Variants in SMIM36 observed in about 807,000 individuals in gnomAD.
SMIM36 encodes small integral membrane protein 36.
chr17:55,502,112 G>C (rs1047385070), intron 1 of SMIM36, among the ~76,000 whole-genome samples: 1 of 151,368 alleles, frequency 6.6e-6, no homozygotes, highest in African/African-American at 2.4e-5. Flanking sequence ...ACAGCAGTCT[G>C]TGATCAAACT....
chr17:55,501,026 A>G (rs190698471), intron 1 of SMIM36, among the ~76,000 whole-genome samples: 1,363 of 37,088 alleles, frequency 0.037, 370 homozygotes, highest in East Asian at 0.21. Context: ...TTTGTAATAT[A>G]TAATATATTA....
rs1469878370 is a variant in SMIM36, at chr17:55,500,868, ATAT to A, written c.*174+10008_*174+10010del. ...ATATTATATTATAATATATTATAAT[ATAT>A]TATATTTTATAATATATATTATAAT... On this transcript the variant is annotated intron_variant, in intron 1 of 4. Coordinates refer to ENST00000636752, the Ensembl canonical transcript of SMIM36. 1.0e-4 allele frequency among the ~76,000 whole-genome samples: 4 copies of A among 39,594 alleles called. 1 individual carries two copies. Among genetic ancestry groups the A allele is most frequent in the Non-Finnish European group, 1.3e-4 (4 of 30,324 alleles). 26.0% of individuals were successfully genotyped at this position (39,594 alleles called of 152,430 possible).
At chr17:55,473,506 G>T (rs2143263199) in intron 3 of SMIM36, among the ~76,000 whole-genome samples, 2 of 152,164 alleles carry the variant, frequency 1.3e-5, no homozygotes, top group African/African-American at 4.8e-5. Context: ...CAGTGGTCCG[G>T]CCTTTATTAG....
intron 3 of SMIM36, among the ~76,000 whole-genome samples, chr17:55,476,845 G>A (rs925757399): frequency 1.3e-5 from 2 of 152,194 alleles, no homozygotes; most frequent in African/African-American, 2.4e-5. Context: ...GGGATTACAG[G>A]TGTGAGCCAC....
At chr17:55,482,393 A>G (rs1909535784) in intron 1 of SMIM36, among the ~76,000 whole-genome samples, 1 of 152,192 alleles carries the variant, frequency 6.6e-6, no homozygotes, top group Non-Finnish European at 1.5e-5. Flanking sequence ...ACCTTGTCCA[A>G]GAAGTTGTCT....
the SMIM36 span, among the ~76,000 whole-genome samples, chr17:55,527,361 T>A: frequency 6.6e-5 from 10 of 152,272 alleles, no homozygotes; most frequent in Non-Finnish European, 1.3e-4. Flanking sequence ...AGCAAGAATT[T>A]TAAATTTAGC....
intron 1 of SMIM36, among the ~76,000 whole-genome samples, chr17:55,499,547 G>T (rs1299120790): frequency 6.6e-6 from 1 of 152,176 alleles, no homozygotes; most frequent in South Asian, 2.1e-4. Flanking sequence ...CTGGCACGTA[G>T]CGAATTCCTG....
intron 1 of SMIM36, among the ~76,000 whole-genome samples, chr17:55,486,427 G>T (rs960769201): frequency 2.6e-5 from 4 of 152,090 alleles, no homozygotes; most frequent in African/African-American, 9.7e-5. Context: ...ATCTCTGGGT[G>T]CTCCTACCTC....
chr17:55,459,738 T>A (rs910889272), intron 4 of SMIM36, among the ~76,000 whole-genome samples: 21 of 152,344 alleles, frequency 1.4e-4, no homozygotes, highest in African/African-American at 4.8e-4. Context: ...TGGTCACAAC[T>A]GTAATCGGAG....
chr17:55,480,963 C>G (rs1279803303), intron 1 of SMIM36, among the ~76,000 whole-genome samples: 1 of 152,146 alleles, frequency 6.6e-6, no homozygotes, highest in Admixed American at 6.6e-5. Context: ...ATTTAGCTGT[C>G]TTACAGTCAT....
chr17:55,468,208 C>T (rs1458474950), intron 3 of SMIM36: 1 of 152,328 alleles, frequency 6.6e-6, no homozygotes, highest in Non-Finnish European at 1.5e-5. Context: ...CAGAAGGACT[C>T]CTTCGGGAGA....
chr17:55,462,435 A>G (rs1469184293), intron 4 of SMIM36, among the ~76,000 whole-genome samples: 1 of 152,032 alleles, frequency 6.6e-6, no homozygotes, highest in Non-Finnish European at 1.5e-5. Context: ...ACGTAGCAAG[A>G]CCTCATCCCT....
At chr17:55,480,474 A>C (rs1359405660) in intron 1 of SMIM36, among the ~76,000 whole-genome samples, 1 of 152,174 alleles carries the variant, frequency 6.6e-6, no homozygotes, top group Admixed American at 6.5e-5. Flanking sequence ...CTAGATAATG[A>C]GATCCAAGCA....
chr17:55,481,020 A>G (rs750619952), intron 1 of SMIM36, among the ~76,000 whole-genome samples: 2 of 152,112 alleles, frequency 1.3e-5, no homozygotes, highest in Non-Finnish European at 2.9e-5. Flanking sequence ...ACACACACAT[A>G]CATATATACA....
intron 1 of SMIM36, among the ~76,000 whole-genome samples, chr17:55,482,775 G>C (rs1173347346): frequency 6.6e-6 from 1 of 152,208 alleles, no homozygotes; most frequent in East Asian, 1.9e-4. Context: ...CTTACTGATA[G>C]AGGCATTCAT....
chr17:55,512,202 G>T (rs951872970), upstream of SMIM36, among the ~76,000 whole-genome samples: 1 of 152,206 alleles, frequency 6.6e-6, no homozygotes, highest in Non-Finnish European at 1.5e-5. Context: ...AGACAGGGAA[G>T]ATTCTTCTAG....
chr17:55,523,639 C>A, the SMIM36 span, among the ~76,000 whole-genome samples: 1 of 151,952 alleles, frequency 6.6e-6, no homozygotes, highest in East Asian at 1.9e-4. Flanking sequence ...TGATCTTGGA[C>A]TTTCCAGAGC....
intron 3 of SMIM36, among the ~76,000 whole-genome samples, chr17:55,476,463 T>C (rs565543181): frequency 1.3e-5 from 2 of 152,362 alleles, no homozygotes; most frequent in Admixed American, 6.5e-5. Context: ...AAAGCTTTAT[T>C]GCTCACATAA....
chr17:55,497,037 T>C (rs186689732), intron 1 of SMIM36, among the ~76,000 whole-genome samples: 1 of 152,286 alleles, frequency 6.6e-6, no homozygotes, highest in East Asian at 1.9e-4. Flanking sequence ...GGAAGAGACT[T>C]GGATACTTTA....
Sources: allele counts gnomAD v4.1 joint callset (sites outside exome capture counted in the v4.1 genomes callset), GRCh38; gene constraint gnomAD v4.1.1; transcripts MANE v1.5; gene names NCBI Gene and HGNC (gene_info 2026-07-23, HGNC 2026-07-21).